Variants in MGAT4C observed in about 807,000 individuals in gnomAD.
MGAT4C encodes MGAT4 family member C, also known as alpha-1,3-mannosyl-glycoprotein 4-beta-N-acetylglucosaminyltransferase C.
MGAT4C carries 19 observed loss-of-function variants against 40.1 expected under a neutral mutation model. That is an observed-to-expected ratio of 0.47 (90% confidence interval 0.33 to 0.70). The LOEUF (loss-of-function observed/expected upper bound fraction) is 0.70. Among genes scored for constraint, MGAT4C ranks in the 30% least tolerant of loss-of-function variants. The pLI, the probability that MGAT4C is intolerant of heterozygous loss-of-function variation, is 0.02. For missense variants in MGAT4C, 491 were observed against 563.2 expected (o/e 0.87, Z 1.30); for synonymous variants, 181 against 187.1 (o/e 0.97, Z 0.27).
At chr12:86,309,513 A>C (rs1954017208) in intron 4 of MGAT4C, among the ~76,000 whole-genome samples, 1 of 152,150 alleles carries the variant, frequency 6.6e-6, no homozygotes, top group Non-Finnish European at 1.5e-5. Context: ...TTAATCAGGA[A>C]GCCACTCCAG....
chr12:86,712,302 A>G (rs1220436799), intron 2 of MGAT4C, among the ~76,000 whole-genome samples: 1 of 152,144 alleles, frequency 6.6e-6, no homozygotes, highest in Non-Finnish European at 1.5e-5. Context: ...AAAAATATAT[A>G]AAAGGATGGC....
chr12:86,041,110 G>T (rs538603875), intron 2 of MGAT4C, among the ~76,000 whole-genome samples: 44 of 151,512 alleles, frequency 2.9e-4, no homozygotes, highest in African/African-American at 1.1e-3. Context: ...CTGCAGACCG[G>T]AGCTTTTCTT....
rs139943128 is a variant in MGAT4C at position 86,781,336 on chromosome 12, C to T, written c.-261-54095G>A. Among the ~76,000 whole-genome samples, 503 of 151,212 alleles carry T rather than the reference C, an allele frequency of 3.3e-3. 2 individuals carry two copies. Among genetic ancestry groups the T allele is most frequent in the African/African-American group, 0.012 (496 of 41,252 alleles). ...ATCAACAACTTTTTTTTTTGACTTTCGTAATAGCCATTCTGACTCGTATAA... is the reference window on the plus strand; with the variant it reads ...ATCAACAACTTTTTTTTTTGACTTTTGTAATAGCCATTCTGACTCGTATAA... On this transcript the variant is annotated intron_variant, in intron 1 of 7. Transcript: ENST00000548651.
chr12:85,999,453 A>C (rs1253908771), intron 2 of MGAT4C, among the ~76,000 whole-genome samples: 1 of 152,208 alleles, frequency 6.6e-6, no homozygotes, highest in African/African-American at 2.4e-5. Context: ...AAGGAAGACA[A>C]ATAAATATGT....
chr12:86,566,824 T>C (rs1450965110), intron 2 of MGAT4C, among the ~76,000 whole-genome samples: 1 of 150,804 alleles, frequency 6.6e-6, no homozygotes, highest in Admixed American at 6.7e-5. Context: ...AATACACCTA[T>C]CCTGCAAGCA....
rs35353980 is a variant in MGAT4C, at chr12:86,294,363, C to CT, written c.-57+39701dup. On this transcript the variant is annotated intron_variant, in intron 4 of 7. Transcript: ENST00000548651. ...GTGTTATTCACACTCACTAAAACTC[C>CT]TTTTTTTTTTTAATCTAAATCCTTG... 1.2e-3 allele frequency among the ~76,000 whole-genome samples: 174 copies of CT among 149,858 alleles called. 3 individuals carry two copies. Among genetic ancestry groups the CT allele is most frequent in the African/African-American group, 3.5e-3 (144 of 40,722 alleles).
intron 3 of MGAT4C, among the ~76,000 whole-genome samples, chr12:85,986,302 T>C (rs1337522521): frequency 1.3e-5 from 2 of 152,208 alleles, no homozygotes; most frequent in South Asian, 4.1e-4. Flanking sequence ...ACAATCATTT[T>C]CTGGATGGGA....
intron 2 of MGAT4C, among the ~76,000 whole-genome samples, chr12:86,691,189 T>C (rs183817088): frequency 6.6e-6 from 1 of 152,336 alleles, no homozygotes; most frequent in East Asian, 1.9e-4. Context: ...TTTGGAACAA[T>C]TATCTTGAGA....
intron 3 of MGAT4C, among the ~76,000 whole-genome samples, chr12:86,352,423 C>T (rs1190855319): frequency 6.6e-6 from 1 of 152,178 alleles, no homozygotes; most frequent in Non-Finnish European, 1.5e-5. Context: ...CATCTGCTAG[C>T]ACTTTTCCTA....
chr12:86,609,952 A>G (rs746773750), intron 2 of MGAT4C, among the ~76,000 whole-genome samples: 11 of 152,184 alleles, frequency 7.2e-5, no homozygotes, highest in Non-Finnish European at 1.6e-4. Flanking sequence ...TCATCACATT[A>G]TAAGTCTTCA....
intron 1 of MGAT4C, among the ~76,000 whole-genome samples, chr12:86,166,399 C>A (rs149917888): frequency 6.6e-6 from 1 of 152,128 alleles, no homozygotes; most frequent in Non-Finnish European, 1.5e-5. Context: ...CGGGTGGGTG[C>A]GGTGGCTCAC....
At chr12:86,319,223 C>T (rs1052037093) in intron 4 of MGAT4C, among the ~76,000 whole-genome samples, 5 of 152,182 alleles carry the variant, frequency 3.3e-5, no homozygotes, top group Admixed American at 6.5e-5. Flanking sequence ...TACACCAAAT[C>T]ATGCATAATT....
chr12:86,763,857 G>A (rs924386066), intron 1 of MGAT4C, among the ~76,000 whole-genome samples: 2 of 152,102 alleles, frequency 1.3e-5, no homozygotes, highest in African/African-American at 4.8e-5. Flanking sequence ...CTAGAATACA[G>A]TTAAGAATGA....
intron 1 of MGAT4C, among the ~76,000 whole-genome samples, chr12:86,056,074 A>G (rs1367117385): frequency 6.6e-6 from 1 of 152,086 alleles, no homozygotes; most frequent in African/African-American, 2.4e-5. Context: ...AAATTATTCC[A>G]GGCATTCTTC....
intron 2 of MGAT4C, among the ~76,000 whole-genome samples, chr12:86,513,306 C>T (rs975235468): frequency 5.3e-5 from 8 of 152,038 alleles, no homozygotes; most frequent in African/African-American, 1.9e-4. Context: ...CCACATGACT[C>T]AAATTCATGT....
intron 1 of MGAT4C, among the ~76,000 whole-genome samples, chr12:86,767,174 A>G (rs1372307083): frequency 6.6e-6 from 1 of 152,234 alleles, no homozygotes; most frequent in Non-Finnish European, 1.5e-5. Flanking sequence ...AAAAAATGAT[A>G]AAGGGGTTAT....
chr12:86,123,112 C>T (rs76292043), intron 1 of MGAT4C, among the ~76,000 whole-genome samples: 6 of 152,210 alleles, frequency 3.9e-5, no homozygotes, highest in South Asian at 2.1e-4. Flanking sequence ...TGCAAAGTGC[C>T]GACCCTCCCA....
intron 4 of MGAT4C, among the ~76,000 whole-genome samples, chr12:86,296,371 G>GCTGCCTGCCAGTCCCGTGCC (rs1566267488): frequency 1.3e-5 from 2 of 151,074 alleles, no homozygotes; most frequent in Non-Finnish European, 1.5e-5. Flanking sequence ...GCTGCAGGTG[G>GCTGCCTGCCAGTCCCGTGCC]AGCTGCCTGC....
intron 2 of MGAT4C, among the ~76,000 whole-genome samples, chr12:86,623,833 T>A (rs888369348): frequency 6.6e-6 from 1 of 152,172 alleles, no homozygotes; most frequent in African/African-American, 2.4e-5. Context: ...TGTGGTGTTT[T>A]AATTTAGCCC....
Sources: allele counts gnomAD v4.1 joint callset (sites outside exome capture counted in the v4.1 genomes callset), GRCh38; gene constraint gnomAD v4.1.1; transcripts MANE v1.5; gene names NCBI Gene and HGNC (gene_info 2026-07-23, HGNC 2026-07-21).